MAML3: variants seen among roughly 807,000 people sequenced by gnomAD.
MAML3 encodes mastermind-like protein 3.
In MAML3, 27 loss-of-function variants were observed where a neutral mutation model predicts 101.9. The ratio of observed to expected loss-of-function variants is 0.27; its 90% CI spans 0.20 to 0.37. The LOEUF (loss-of-function observed/expected upper bound fraction) is 0.37. MAML3 is among the 10% of genes least tolerant of loss of function. MAML3 has a pLI of 1.00. For synonymous variants in MAML3, 501 were observed against 555.9 expected, an observed-to-expected ratio of 0.90 and a Z score of 1.39; for missense variants, 1,316 against 1,444.9, an observed-to-expected ratio of 0.91 and a Z score of 1.45.
At chr4:139,920,278 A>G (rs1175662903) in intron 1 of MAML3, among the ~76,000 whole-genome samples, 1 of 152,222 alleles carries the variant, frequency 6.6e-6, no homozygotes, top group Non-Finnish European at 1.5e-5. Flanking sequence ...AGGTCTTCAC[A>G]AAACATGCTT....
chr4:139,932,526 G>A lies in MAML3; in HGVS notation c.469-41559C>T, dbSNP rs186507951. Among the ~76,000 whole-genome samples the A allele has an allele frequency of 4.1e-4, 62 of 152,250 alleles. 1 individual carries two copies. The highest frequency in any genetic ancestry group is 1.3e-3 in the African/African-American group (54 of 41,550). ...AAATGAGTGCTTCCAAAGTGCTTGAGGGGAGCAGGAAAACAGCTTGTTAAG... is the reference window on the plus strand; with the variant it reads ...AAATGAGTGCTTCCAAAGTGCTTGAAGGGAGCAGGAAAACAGCTTGTTAAG... On this transcript the variant is annotated intron_variant, in intron 1 of 4. Transcript: ENST00000509479.
At chr4:140,032,682 AC>A (rs1040439769) in intron 1 of MAML3, among the ~76,000 whole-genome samples, 2 of 152,156 alleles carry the variant, frequency 1.3e-5, no homozygotes, top group Non-Finnish European at 2.9e-5. Context: ...GCAGTATGTT[AC>A]CAAAAACTTA....
chr4:139,905,122 T>A (rs1393493816), intron 1 of MAML3, among the ~76,000 whole-genome samples: 1 of 152,232 alleles, frequency 6.6e-6, no homozygotes, highest in African/African-American at 2.4e-5. Flanking sequence ...AGCTTGGACT[T>A]TATCCAGAAG....
chr4:139,945,027 T>C (rs1464722162), intron 1 of MAML3, among the ~76,000 whole-genome samples: 1 of 152,018 alleles, frequency 6.6e-6, no homozygotes, highest in Non-Finnish European at 1.5e-5. Context: ...TTATTCACAA[T>C]AGCAAAGAGT....
At chr4:139,753,817 T>C (rs1209593075) in intron 2 of MAML3, among the ~76,000 whole-genome samples, 1 of 152,148 alleles carries the variant, frequency 6.6e-6, no homozygotes, top group African/African-American at 2.4e-5. Flanking sequence ...CTGGACACCA[T>C]GGCTACCAAG....
At chr4:140,074,935 A>G (rs1345091276) in intron 1 of MAML3, among the ~76,000 whole-genome samples, 1 of 152,240 alleles carries the variant, frequency 6.6e-6, no homozygotes, top group Admixed American at 6.5e-5. Flanking sequence ...TTTCGTGTTT[A>G]GAATTGGGTC....
At chr4:139,808,776 T>C (rs1730743235) in intron 2 of MAML3, among the ~76,000 whole-genome samples, 2 of 152,218 alleles carry the variant, frequency 1.3e-5, no homozygotes, top group Non-Finnish European at 2.9e-5. Flanking sequence ...AAGCTGTTTA[T>C]GATATTCCGT....
At chr4:139,884,163 C>T (rs928865406) in intron 2 of MAML3, among the ~76,000 whole-genome samples, 8 of 152,178 alleles carry the variant, frequency 5.3e-5, no homozygotes, top group African/African-American at 1.4e-4. Flanking sequence ...GGATTACAGG[C>T]GTGAGCCACG....
At chr4:140,073,095 A>C (rs1254646784) in intron 1 of MAML3, among the ~76,000 whole-genome samples, 1 of 151,932 alleles carries the variant, frequency 6.6e-6, no homozygotes, top group Middle Eastern at 3.2e-3. Context: ...GAAATCAACA[A>C]ATCTGCAACC....
intron 1 of MAML3, among the ~76,000 whole-genome samples, chr4:139,950,974 A>G (rs1733823087): frequency 6.6e-6 from 1 of 152,182 alleles, no homozygotes; most frequent in Non-Finnish European, 1.5e-5. Flanking sequence ...CATTGCCCTA[A>G]TGACTCCCAA....
chr4:139,907,606 T>C (rs1187147326), intron 1 of MAML3, among the ~76,000 whole-genome samples: 1 of 152,232 alleles, frequency 6.6e-6, no homozygotes, highest in Non-Finnish European at 1.5e-5. Flanking sequence ...AATTTGTGAC[T>C]TTTTGATGGC....
chr4:139,720,385 G>A (rs1728188383), intron 4 of MAML3, 62 bp from the exon 5 acceptor site: 8 of 1,425,008 alleles, frequency 5.6e-6, no homozygotes, highest in Non-Finnish European at 7.4e-6. Context: ...ACTGCAACAA[G>A]ATGTTGGAAT....
At chr4:140,043,832 T>C (rs1208902280) in intron 1 of MAML3, among the ~76,000 whole-genome samples, 1 of 152,182 alleles carries the variant, frequency 6.6e-6, no homozygotes, top group African/African-American at 2.4e-5. Flanking sequence ...ATTTCCCCTC[T>C]AGAGAAAATC....
intron 1 of MAML3, among the ~76,000 whole-genome samples, chr4:139,905,491 C>CTAAAAAAAA (rs1732807291): frequency 1.3e-5 from 1 of 79,976 alleles, no homozygotes; most frequent in Non-Finnish European, 2.7e-5. Context: ...GACTCTGTCT[C>CTAAAAAAAA]AAAAAAAAAA....
intron 1 of MAML3, among the ~76,000 whole-genome samples, chr4:140,081,783 G>A (rs1046092788): frequency 2.0e-5 from 3 of 152,314 alleles, no homozygotes; most frequent in East Asian, 3.9e-4. Context: ...TAGGCTGCCC[G>A]TAGATCTCCA....
chr4:140,149,018 C>T (rs1435573091), intron 1 of MAML3, among the ~76,000 whole-genome samples: 2 of 152,202 alleles, frequency 1.3e-5, no homozygotes, highest in Non-Finnish European at 2.9e-5. Context: ...TGTGCACTGT[C>T]ATGCTTTTTG....
At chr4:139,803,529 C>T (rs1305267545) in intron 2 of MAML3, among the ~76,000 whole-genome samples, 3 of 152,198 alleles carry the variant, frequency 2.0e-5, no homozygotes, top group East Asian at 1.9e-4. Flanking sequence ...ACCATGTTTG[C>T]TAGGAAAACA....
intron 1 of MAML3, among the ~76,000 whole-genome samples, chr4:139,908,615 C>G (rs78581486): frequency 1.8e-3 from 274 of 152,328 alleles, no homozygotes; most frequent in Admixed American, 4.6e-3. Context: ...GCTCACTAGT[C>G]TAGTTTGAAT....
chr4:139,761,629 C>G (rs1479762357), intron 2 of MAML3, among the ~76,000 whole-genome samples: 1 of 152,226 alleles, frequency 6.6e-6, no homozygotes, highest in African/African-American at 2.4e-5. Flanking sequence ...CTCTACAGGT[C>G]AGGAAGTGTG....
Sources: allele counts gnomAD v4.1 joint callset (sites outside exome capture counted in the v4.1 genomes callset), GRCh38; gene constraint gnomAD v4.1.1; transcripts MANE v1.5; gene names NCBI Gene and HGNC (gene_info 2026-07-23, HGNC 2026-07-21).